The following SAYSD1 variants were observed in gnomAD, a reference collection of about 807,000 sequenced individuals.
SAYSD1 encodes the protein SAYSvFN domain-containing protein 1.
Under a neutral mutation model 14.5 loss-of-function variants are expected in SAYSD1, and 15 were observed. That is an observed-to-expected ratio of 1.03 (90% CI 0.69 to 1.59). The LOEUF (loss-of-function observed/expected upper bound fraction) is 1.59. Ranked by LOEUF, SAYSD1 falls within the 40% of genes most tolerant of loss-of-function variation. The pLI is 0.00. For missense variants in SAYSD1, 247 were observed against 227.3 expected, an observed-to-expected ratio of 1.09 and a Z score of -0.56; for synonymous variants, 105 against 102.6, an observed-to-expected ratio of 1.02 and a Z score of -0.14.
At chr6:39,107,284 C>T (rs77153553) in intron 1 of SAYSD1, among the ~76,000 whole-genome samples, 1 of 152,298 alleles carries the variant, frequency 6.6e-6, no homozygotes, top group East Asian at 1.9e-4. Context: ...AGGCAAGCAC[C>T]GTTCATGAAC....
At chr6:39,114,196 A>G (rs913123709) in intron 1 of SAYSD1, among the ~76,000 whole-genome samples, 1 of 152,248 alleles carries the variant, frequency 6.6e-6, no homozygotes, top group African/African-American at 2.4e-5. Flanking sequence ...CCACCTTACC[A>G]TTTTACTGAG....
At chr6:39,108,677 C>T (rs1024347070) in intron 1 of SAYSD1, among the ~76,000 whole-genome samples, 9 of 152,062 alleles carry the variant, frequency 5.9e-5, no homozygotes, top group Non-Finnish European at 1.0e-4. Context: ...TGCTCCCTTC[C>T]CCTCATATCA....
intron 1 of SAYSD1, chr6:39,109,408 G>A: frequency 1.9e-6 from 3 of 1,549,052 alleles, no homozygotes; most frequent in Non-Finnish European, 2.6e-6. Flanking sequence ...GAAGGAGGAT[G>A]TAGATACTTC....
rs1769475936 is a variant in SAYSD1, at chr6:39,105,352, T to C, written c.*80A>G. 1 of 1,256,336 alleles carries C rather than the reference T, an allele frequency of 8.0e-7. No individual in the cohort carries two copies. The highest frequency in any genetic ancestry group is 2.3e-5 in the East Asian group (1 of 43,062). 77.8% of individuals were successfully genotyped at this position (1,256,336 alleles called of 1,614,324 possible). A position where few individuals can be genotyped will look rare whatever the true frequency, so the allele number is the denominator to read the frequency against. On this transcript the variant is annotated 3_prime_UTR_variant, in exon 2 of 2. Coordinates refer to ENST00000229903, the MANE Select transcript of SAYSD1 (RefSeq NM_018322.3). ...CTAACCCGCAAGCTGCCCTTAGTCCTATACACCTGAAATCAAATCCATAGC... is the reference window on the plus strand; with the variant it reads ...CTAACCCGCAAGCTGCCCTTAGTCCCATACACCTGAAATCAAATCCATAGC...
At chr6:39,109,465 C>A in intron 1 of SAYSD1, 1 of 1,529,338 alleles carries the variant, frequency 6.5e-7, no homozygotes, top group Non-Finnish European at 8.8e-7. Context: ...TCAGTCACAG[C>A]GAGGCCCGGG....
intron 1 of SAYSD1, chr6:39,111,805 A>G (rs1032275694): frequency 6.6e-6 from 1 of 152,226 alleles, no homozygotes; most frequent in African/African-American, 2.4e-5. Flanking sequence ...ACAATAAGAA[A>G]TATGAAAACT....
intron 1 of SAYSD1, chr6:39,113,381 C>A (rs1419424982): frequency 6.6e-6 from 1 of 152,534 alleles, no homozygotes; most frequent in African/African-American, 2.4e-5. Context: ...AATTGTCTGA[C>A]ATGAATTGTA....
chr6:39,107,495 A>G (rs903903103), intron 1 of SAYSD1, among the ~76,000 whole-genome samples: 2 of 152,224 alleles, frequency 1.3e-5, no homozygotes, highest in African/African-American at 4.8e-5. Context: ...TCCCATACTT[A>G]GGTTCTCAAT....
intron 1 of SAYSD1, 54 bp from the exon 2 acceptor site, chr6:39,105,830 A>T (rs897659409): frequency 6.6e-7 from 1 of 1,504,674 alleles, no homozygotes; most frequent in Non-Finnish European, 9.0e-7. Flanking sequence ...AGCTGAGATG[A>T]TCAAAACTAA....
chr6:39,108,906 G>A (rs1027648415), intron 1 of SAYSD1, among the ~76,000 whole-genome samples: 1 of 152,090 alleles, frequency 6.6e-6, no homozygotes, highest in African/African-American at 2.4e-5. Context: ...CATTTATCTG[G>A]TTTTGTTTAT....
In SAYSD1 at chr6:39,105,662, G is replaced by C. The variant is rs1769488532; in HGVS notation, c.322C>G (p.Leu108Val). The change falls in exon 2 of 2, where the codon CTC becomes GTC. Residue 108 changes from leucine to valine, a missense_variant. Leu to Val is a conservative substitution (Grantham distance 32, BLOSUM62 1). Transcript: ENST00000229903. ...AACAGTCCCAGCAGGACCAACCAGAGAAGAACCTTCAAGAAGGTGATATTG... is the reference window on the plus strand; with the variant it reads ...AACAGTCCCAGCAGGACCAACCAGACAAGAACCTTCAAGAAGGTGATATTG... ...LTNITFLKVL[L>V]WLVLLGLFVE... 6.2e-7 allele frequency: 1 copy of C among 1,614,056 alleles called. No individual in the cohort carries two copies. The highest frequency in any genetic ancestry group is 8.5e-7 in the Non-Finnish European group (1 of 1,180,036).
chr6:39,115,079 C>T lies in SAYSD1; in HGVS notation c.11G>A (p.Arg4Gln), dbSNP rs534103101. 16 of 1,606,564 alleles carry T rather than the reference C, an allele frequency of 1.0e-5. No homozygotes were observed. The highest frequency in any genetic ancestry group is 3.3e-5 in the Admixed American group (2 of 59,950). Residue 4 changes from arginine to glutamine, a missense_variant, in exon 1 of 2, where the codon CGG (arginine) becomes CAG (glutamine). Transcript: ENST00000229903. ...CCGCGCCGCCCGAAACTCAGCTAAC[C>T]GCTGTTCCATGGCGCGCGCCTCGCG... MEQ[R>Q]LAEFRAARKR...
At chr6:39,106,581 T>C (rs1005014845) in intron 1 of SAYSD1, among the ~76,000 whole-genome samples, 1 of 152,070 alleles carries the variant, frequency 6.6e-6, no homozygotes, top group Admixed American at 6.6e-5. Context: ...TACCTTCCCA[T>C]CCCGTGATTA....
chr6:39,108,426 G>GA (rs1384975611), intron 1 of SAYSD1, among the ~76,000 whole-genome samples: 1 of 150,308 alleles, frequency 6.7e-6, no homozygotes, highest in East Asian at 2.0e-4. Flanking sequence ...ATGGGTGTGG[G>GA]GGTGGGGGGG....
chr6:39,114,895 G>T lies in SAYSD1; in HGVS notation c.195C>A (p.Pro65=). 6.2e-7 allele frequency: 1 copy of T among 1,612,398 alleles called. No individual in the cohort carries two copies. Among genetic ancestry groups the T allele is most frequent in the Middle Eastern group, 2.0e-4 (1 of 4,940 alleles). The part of the protein sequence containing the change: ...KPRPASARAQ[P]GLVQEAAQPQ... ...TCCATCGTCTCACCTGAACTAGGCC[G>T]GGCTGGGCCCGGGCACTCGCGGGCC... The change falls in exon 1 of 2, where the codon CCC becomes CCA. Residue 65 remains proline (P), a synonymous_variant. Transcript: ENST00000229903.
chr6:39,114,712 G>C (rs759983206), intron 1 of SAYSD1, among the ~76,000 whole-genome samples, 171 bp downstream of exon 1: 1 of 152,228 alleles, frequency 6.6e-6, no homozygotes, highest in African/African-American at 2.4e-5. Flanking sequence ...TGTCAAAACT[G>C]GTAACAGTGC....
chr6:39,108,866 T>G (rs1402027065), intron 1 of SAYSD1, among the ~76,000 whole-genome samples: 1 of 152,140 alleles, frequency 6.6e-6, no homozygotes, highest in African/African-American at 2.4e-5. Flanking sequence ...ACTATCACAG[T>G]CTACTGGTTT....
intron 1 of SAYSD1, among the ~76,000 whole-genome samples, chr6:39,106,973 T>C (rs1039058091): frequency 2.0e-5 from 3 of 152,240 alleles, no homozygotes; most frequent in Non-Finnish European, 4.4e-5. Flanking sequence ...AATACATATA[T>C]GCAACAAAGT....
At chr6:39,106,162 A>G (rs1769498924) in intron 1 of SAYSD1, among the ~76,000 whole-genome samples, 1 of 152,174 alleles carries the variant, frequency 6.6e-6, no homozygotes, top group Non-Finnish European at 1.5e-5. Flanking sequence ...ACCTTTGTTG[A>G]TTGGATTAGA....
Sources: allele counts gnomAD v4.1 joint callset (sites outside exome capture counted in the v4.1 genomes callset), GRCh38; gene constraint gnomAD v4.1.1; transcripts MANE v1.5; gene names NCBI Gene and HGNC (gene_info 2026-07-23, HGNC 2026-07-21).